The following PAPOLG variants were observed in gnomAD, a reference collection of about 807,000 sequenced individuals.
PAPOLG encodes the protein poly(A) polymerase gamma, also known as PAP-gamma.
PAPOLG carries 40 observed loss-of-function variants against 99.0 expected under a neutral mutation model. The observed-to-expected ratio is 0.40, with a 90% CI of 0.31 to 0.53. PAPOLG has a LOEUF of 0.53. Among genes scored for constraint, PAPOLG ranks in the 20% least tolerant of loss-of-function variants. The pLI is 0.41. For synonymous variants in PAPOLG, 310 were observed against 299.3 expected, an observed-to-expected ratio of 1.04 and a Z score of -0.37; for missense variants, 675 against 884.1, an observed-to-expected ratio of 0.76 and a Z score of 3.00.
chr2:60,797,119 C>T lies in PAPOLG; in HGVS notation c.2170C>T (p.Arg724Cys), dbSNP rs1370982503. ...SSSPVPANNI[R>C]VIKNSIRLTL... is the part of the protein sequence containing the mutation. ...ATCTCCAGTTCCAGCAAACAACATCCGTGTCATCAAAAATTCCATTCGACT... is the reference window on the plus strand; with the variant it reads ...ATCTCCAGTTCCAGCAAACAACATCTGTGTCATCAAAAATTCCATTCGACT... The change falls in exon 22 of 22, where the codon CGT becomes TGT. Residue 724 changes from arginine to cysteine, a missense_variant. Around this residue, in one of 3 missense-constraint regions of PAPOLG, gnomAD observed 413 missense variants for 460.5 expected, o/e 0.90. Coordinates refer to ENST00000238714, the MANE Select transcript of PAPOLG (RefSeq NM_022894.4). The T allele has an allele frequency of 1.2e-6, 2 of 1,613,862 alleles. No homozygotes were observed. Among genetic ancestry groups the T allele is most frequent in the African/African-American group, 1.3e-5 (1 of 74,872 alleles).
At chr2:60,759,462 G>A (rs1400939112) in intron 1 of PAPOLG, among the ~76,000 whole-genome samples, 1 of 152,202 alleles carries the variant, frequency 6.6e-6, no homozygotes, top group Non-Finnish European at 1.5e-5. Context: ...GGTGGCTCAT[G>A]TATCTTCCAA....
chr2:60,770,573 C>T (rs1345518094), intron 6 of PAPOLG, 62 bp downstream of exon 6: 4 of 1,090,750 alleles, frequency 3.7e-6, no homozygotes, highest in Non-Finnish European at 3.9e-6. Flanking sequence ...AGTTTGTTTT[C>T]TGAAATCAGG....
chr2:60,782,783 T>C lies in PAPOLG; in HGVS notation c.1112+13T>C. 2 of 1,550,364 alleles carry C rather than the reference T, an allele frequency of 1.3e-6. No homozygotes were observed. The highest frequency in any genetic ancestry group is 8.6e-7 in the Non-Finnish European group (1 of 1,157,838). On this transcript the variant is annotated intron_variant, in intron 12 of 21. Coordinates refer to ENST00000238714, the MANE Select transcript of PAPOLG (RefSeq NM_022894.4). ...TTCAAAAGTATAGGTACGTGAAATT[T>C]TGTATTTTGTATGTATGTGATTTTT...
intron 3 of PAPOLG, 37 bp downstream of exon 3, chr2:60,761,844 T>G (rs1356808560): frequency 1.4e-6 from 2 of 1,437,992 alleles, no homozygotes; most frequent in Non-Finnish European, 1.9e-6. Flanking sequence ...TTGTTTTTAT[T>G]ATATCTTGGC....
intron 13 of PAPOLG, among the ~76,000 whole-genome samples, 191 bp from the exon 14 acceptor site, chr2:60,786,756 C>A (rs908841453): frequency 3.3e-5 from 5 of 152,170 alleles, no homozygotes; most frequent in African/African-American, 1.2e-4. Flanking sequence ...TCTTGAACTC[C>A]TGACCTCAGG....
Position 60,797,218 on chromosome 2 carries a change from A to G in PAPOLG, c.*58A>G. 1 of 1,585,726 alleles carries G rather than the reference A, an allele frequency of 6.3e-7. No homozygotes were observed. Among genetic ancestry groups the G allele is most frequent in the African/African-American group, 1.3e-5 (1 of 74,314 alleles). On this transcript the variant is annotated 3_prime_UTR_variant, in exon 22 of 22. Coordinates refer to ENST00000238714, the MANE Select transcript of PAPOLG (RefSeq NM_022894.4). ...ATCATTTAGTGGCATAGATGCAGCC[A>G]CTTGTTTTTTAAATAGAAGTGGCTG... is the stretch of plus-strand genomic sequence containing the variant.
chr2:60,780,481 G>T (rs1393851830), intron 9 of PAPOLG, among the ~76,000 whole-genome samples: 1 of 152,086 alleles, frequency 6.6e-6, no homozygotes, highest in Non-Finnish European at 1.5e-5. Context: ...TCTCCATGTT[G>T]CCCAGGATGG....
chr2:60,757,811 G>A (rs1360817128), intron 1 of PAPOLG, among the ~76,000 whole-genome samples: 1 of 152,192 alleles, frequency 6.6e-6, no homozygotes, highest in African/African-American at 2.4e-5. Flanking sequence ...ATGGTTTGAA[G>A]GGAATGTGGG....
chr2:60,763,952 G>A (rs1273483349), intron 3 of PAPOLG, among the ~76,000 whole-genome samples: 2 of 151,196 alleles, frequency 1.3e-5, no homozygotes, highest in Non-Finnish European at 3.0e-5. Context: ...ACAGGTGCAC[G>A]CCACCATGCC....
chr2:60,761,910 C>A, intron 3 of PAPOLG, 103 bp downstream of exon 3: 1 of 841,416 alleles, frequency 1.2e-6, no homozygotes, highest in Non-Finnish European at 2.0e-6. Flanking sequence ...TACATCAAAG[C>A]TTGGCTCTCT....
chr2:60,781,750 G>T, intron 10 of PAPOLG, 135 bp from the exon 11 acceptor site: 1 of 1,181,834 alleles, frequency 8.5e-7, no homozygotes. Flanking sequence ...CAGTTGGGGA[G>T]GGAAAATGTA....
chr2:60,770,814 G>A lies in PAPOLG; in HGVS notation c.492+303G>A, dbSNP rs549601837. On this transcript the variant is annotated intron_variant, in intron 6 of 21. Coordinates refer to ENST00000238714, the MANE Select transcript of PAPOLG (RefSeq NM_022894.4). ...AATTTTTTGTATTTTTAGTAGAGAC[G>A]GGGTTTCACCGTGTTAGCCAGGATG... is the stretch of plus-strand genomic sequence containing the variant. Among the ~76,000 whole-genome samples, 316 of 152,086 alleles carry A rather than the reference G, an allele frequency of 2.1e-3. 1 individual carries two copies. The highest frequency in any genetic ancestry group is 7.1e-3 in the African/African-American group (294 of 41,488).
rs769576570 is a variant in PAPOLG, at chr2:60,791,853, C to T, written c.1489C>T (p.Pro497Ser). 1.2e-6 allele frequency: 2 copies of T among 1,613,082 alleles called. No homozygotes were observed. The highest frequency in any genetic ancestry group is 1.7e-5 in the Admixed American group (1 of 59,624). Residue 497 changes from proline to serine, a missense_variant, in exon 16 of 22, where the codon CCT (proline) becomes TCT (serine). This residue lies in a region of PAPOLG where 413 missense variants were observed against 460.5 expected (regional missense o/e 0.90). Coordinates refer to ENST00000238714, the MANE Select transcript of PAPOLG (RefSeq NM_022894.4). Reference protein sequence around the residue: ...VKKKQLHHYLPAEILQKKKKQ... With the variant: ...VKKKQLHHYLSAEILQKKKKQ... ...GAAAAAACAACTTCACCACTACCTT[C>T]CTGCAGAAATTCTTCAAAAGAAGAA...
At position 60,797,171 on chromosome 2, in the gene PAPOLG, T is replaced by A. The variant is rs1671735804; in HGVS notation, c.*11T>A. On this transcript the variant is annotated 3_prime_UTR_variant, in exon 22 of 22. Coordinates refer to ENST00000238714, the MANE Select transcript of PAPOLG (RefSeq NM_022894.4). Reference sequence around the variant, plus strand: ...ACCCTTAATCGGTAAAAGCAGTGCCTCCTCACTTAAGTGAACAAGCAATCA... The same window carrying A: ...ACCCTTAATCGGTAAAAGCAGTGCCACCTCACTTAAGTGAACAAGCAATCA... 6.2e-7 allele frequency: 1 copy of A among 1,613,544 alleles called. No homozygotes were observed. The highest frequency in any genetic ancestry group is 1.3e-5 in the African/African-American group (1 of 74,912).
In PAPOLG at chr2:60,756,375, C is replaced by T; in HGVS notation, c.-104C>T. 4.1e-6 allele frequency: 6 copies of T among 1,460,662 alleles called. No individual in the cohort carries two copies. The highest frequency in any genetic ancestry group is 5.8e-6 in the Non-Finnish European group (6 of 1,042,056). The allele number at this position is 1,460,662 out of a possible 1,614,324, so 90.5% of individuals were successfully genotyped here. On this transcript the variant is annotated 5_prime_UTR_variant, in exon 1 of 22. Transcript: ENST00000238714. ...GTAAGTGGGAAAGTGAGCGAGCAAG[C>T]GAGCTACTAGCGACCGGAGGAAAGT...
Position 60,761,821 on chromosome 2 carries a change from C to G in PAPOLG, c.246+14C>G. On this transcript the variant is annotated intron_variant, in intron 3 of 21. Transcript: ENST00000238714. ...AGCGAGAGTAAGGTAAGACTCTAAA[C>G]TATGTGGAATTCTTGTTTTTATTAT... The G allele has an allele frequency of 1.3e-6, 2 of 1,519,606 alleles. No homozygotes were observed. Among genetic ancestry groups the G allele is most frequent in the South Asian group, 2.3e-5 (2 of 87,060 alleles). The allele number at this position is 1,519,606 out of a possible 1,614,324, so 94.1% of individuals were successfully genotyped here.
chr2:60,780,921 T>TTTTTG, intron 10 of PAPOLG, 142 bp downstream of exon 10: 1 of 685,912 alleles, frequency 1.5e-6, no homozygotes, highest in Non-Finnish European at 2.5e-6. Context: ...TCTGCTGTGG[T>TTTTTG]TTTTGTTTTG....
chr2:60,770,712 C>A (rs1015253765), intron 6 of PAPOLG, among the ~76,000 whole-genome samples: 12 of 151,884 alleles, frequency 7.9e-5, no homozygotes, highest in African/African-American at 2.9e-4. Flanking sequence ...CACCTTTGAG[C>A]ACCTGGGTTG....
intron 7 of PAPOLG, 47 bp from the exon 8 acceptor site, chr2:60,774,987 C>G: frequency 6.2e-7 from 1 of 1,608,450 alleles, no homozygotes; most frequent in African/African-American, 1.3e-5. Flanking sequence ...TTTGAATTAA[C>G]TGAGAATTTG....
Sources: allele counts gnomAD v4.1 joint callset (sites outside exome capture counted in the v4.1 genomes callset), GRCh38; gene constraint gnomAD v4.1.1; regional missense constraint gnomAD v4.1.1; transcripts MANE v1.5; gene names NCBI Gene and HGNC (gene_info 2026-07-23, HGNC 2026-07-21).